The following HSPA12A variants were observed in gnomAD, a reference collection of about 807,000 sequenced individuals.
The protein encoded by HSPA12A is heat shock protein family A (Hsp70) member 12A.
Under a neutral mutation model 69.2 loss-of-function variants are expected in HSPA12A, and 28 were observed. The observed-to-expected ratio is 0.40, with a 90% CI of 0.30 to 0.55. HSPA12A has a LOEUF of 0.55. HSPA12A is among the 20% of genes least tolerant of loss of function. HSPA12A has a pLI of 0.38. For missense variants in HSPA12A, 686 were observed against 900.7 expected (o/e 0.76, Z 3.05); for synonymous variants, 345 against 370.5 (o/e 0.93, Z 0.79).
At chr10:116,698,788 A>C (rs1554881246) in intron 4 of HSPA12A, 49 bp from the exon 5 acceptor site, 11 of 1,431,526 alleles carry the variant, frequency 7.7e-6, no homozygotes, top group Non-Finnish European at 1.1e-5. Flanking sequence ...CAGGAGAAAC[A>C]TGTCTCCTGG....
intron 1 of HSPA12A, among the ~76,000 whole-genome samples, chr10:116,729,819 T>C (rs78448038): frequency 0.021 from 3,182 of 152,344 alleles, 104 homozygotes; most frequent in African/African-American, 0.072. Flanking sequence ...TCTTACCTTA[T>C]GTAACTTAGA....
chr10:116,701,553 A>G (rs1037003953), intron 3 of HSPA12A, among the ~76,000 whole-genome samples: 2 of 152,244 alleles, frequency 1.3e-5, no homozygotes, highest in Non-Finnish European at 2.9e-5. Context: ...ATGCATAATT[A>G]CCTGCCTTAT....
In HSPA12A at chr10:116,701,033, G is replaced by A. The variant is rs184358049; in HGVS notation, c.351C>T (p.Ala117=). The change falls in exon 4 of 12, where the codon GCC becomes GCT. Residue 117 remains alanine, a synonymous_variant. Transcript: ENST00000369209. ...PERKFHSFGY[A]ARDFYHDLDP... The stretch of plus-strand genomic sequence containing the variant: ...CCAGGTCATGGTAAAAGTCCCTGGC[G>A]GCATACCCGAAGCTGTGGAACTTCC... The A allele has an allele frequency of 4.0e-5, 65 of 1,614,080 alleles. No homozygotes were observed. Among genetic ancestry groups the A allele is most frequent in the African/African-American group, 4.0e-4 (30 of 75,028 alleles).
At chr10:116,683,220 A>G (rs1849472555) in intron 7 of HSPA12A, among the ~76,000 whole-genome samples, 1 of 152,126 alleles carries the variant, frequency 6.6e-6, no homozygotes, top group South Asian at 2.1e-4. Context: ...GACCAAGGCT[A>G]TGACCTACTT....
chr10:116,811,427 G>A (rs1051983574), intron 2 of HSPA12A, among the ~76,000 whole-genome samples: 3 of 151,970 alleles, frequency 2.0e-5, no homozygotes, highest in East Asian at 1.9e-4. Flanking sequence ...CCCTCCTTGC[G>A]CCAATCACCT....
At chr10:116,721,836 C>T (rs1240200395) in intron 1 of HSPA12A, among the ~76,000 whole-genome samples, 2 of 152,232 alleles carry the variant, frequency 1.3e-5, no homozygotes, top group Non-Finnish European at 2.9e-5. Context: ...TATTCACACT[C>T]ATCATCATGG....
In HSPA12A at chr10:116,736,812, T is replaced by A. The variant is rs371956028; in HGVS notation, c.40+5618A>T. Among the ~76,000 whole-genome samples the A allele has an allele frequency of 1.6e-4, 25 of 152,282 alleles. No homozygotes were observed. In the East Asian group the frequency reaches 3.5e-3, roughly 21 times the overall value. On this transcript the variant is annotated intron_variant, in intron 1 of 11. Coordinates refer to ENST00000369209, the MANE Select transcript of HSPA12A (RefSeq NM_025015.3). ...CCCAGGGAGACCCATTTTGGACTTA[T>A]TCCTGACTTCCAGAAATGTAAGATA...
chr10:116,754,748 T>C (rs1157945064), intron 2 of HSPA12A, among the ~76,000 whole-genome samples: 1 of 152,226 alleles, frequency 6.6e-6, no homozygotes, highest in African/African-American at 2.4e-5. Context: ...AAACACTTAT[T>C]AAACACAGGT....
At chr10:116,780,640 C>A (rs1308974223) in intron 2 of HSPA12A, among the ~76,000 whole-genome samples, 2 of 151,904 alleles carry the variant, frequency 1.3e-5, no homozygotes, top group African/African-American at 4.8e-5. Context: ...GGTAGGATTA[C>A]CAGGGAACCT....
intron 2 of HSPA12A, among the ~76,000 whole-genome samples, chr10:116,780,161 T>C (rs1554891662): frequency 1.3e-5 from 2 of 152,132 alleles, no homozygotes; most frequent in African/African-American, 4.8e-5. Context: ...TCGCAGACCA[T>C]CTCCTCCATC....
intron 1 of HSPA12A, among the ~76,000 whole-genome samples, chr10:116,712,544 T>C (rs1589652280): frequency 6.6e-6 from 1 of 152,142 alleles, no homozygotes; most frequent in South Asian, 2.1e-4. Context: ...GCAACACATA[T>C]AAAATTCAGA....
At chr10:116,770,297 A>G (rs570216734) in intron 2 of HSPA12A, among the ~76,000 whole-genome samples, 52 of 152,276 alleles carry the variant, frequency 3.4e-4, no homozygotes, top group Non-Finnish European at 5.3e-4. Context: ...TGAAGTTCAA[A>G]GGAAGCCCTC....
intron 1 of HSPA12A, among the ~76,000 whole-genome samples, chr10:116,713,483 T>C (rs1458663852): frequency 6.6e-6 from 1 of 152,118 alleles, no homozygotes. Flanking sequence ...CCAGGCCAAG[T>C]TGGGGGCAGC....
intron 1 of HSPA12A, among the ~76,000 whole-genome samples, chr10:116,735,535 G>A (rs1406932924): frequency 1.3e-5 from 2 of 152,112 alleles, no homozygotes; most frequent in Non-Finnish European, 2.9e-5. Flanking sequence ...TGTGGAGAAC[G>A]AAGCCCAGCC....
intron 2 of HSPA12A, among the ~76,000 whole-genome samples, chr10:116,764,602 G>A (rs1357253797): frequency 6.6e-6 from 1 of 152,166 alleles, no homozygotes; most frequent in Non-Finnish European, 1.5e-5. Context: ...TAACAAAATG[G>A]AGGGGGCAGA....
intron 2 of HSPA12A, among the ~76,000 whole-genome samples, chr10:116,790,707 T>C (rs982921301): frequency 2.0e-5 from 3 of 152,114 alleles, no homozygotes; most frequent in Non-Finnish European, 4.4e-5. Flanking sequence ...TATTTTTTTA[T>C]TGAGACAGAG....
At chr10:116,738,331 T>G in intron 1 of HSPA12A, among the ~76,000 whole-genome samples, 1 of 152,066 alleles carries the variant, frequency 6.6e-6, no homozygotes, top group East Asian at 1.9e-4. Flanking sequence ...TGACTGACAC[T>G]CAACAAAAAG....
At position 116,674,856 on chromosome 10, in the gene HSPA12A, G is replaced by T; in HGVS notation, c.1953C>A (p.Thr651=). 6.2e-7 allele frequency: 1 copy of T among 1,613,850 alleles called. No homozygotes were observed. Among genetic ancestry groups the T allele is most frequent in the Non-Finnish European group, 8.5e-7 (1 of 1,180,036 alleles). The change falls in exon 12 of 12, where the codon ACC becomes ACA. Residue 651 remains threonine, a synonymous_variant. Transcript: ENST00000369209. ...TATCAATGGCTGTGGCTTTGATCTC[G>T]GTGTCCCCGAACTGCATAAGGGTCT... is the stretch of plus-strand genomic sequence containing the variant. ...EIQTLMQFGD[T]EIKATAIDIA...
intron 2 of HSPA12A, among the ~76,000 whole-genome samples, chr10:116,791,373 T>G (rs1006886988): frequency 8.5e-5 from 13 of 152,206 alleles, no homozygotes; most frequent in African/African-American, 2.7e-4. Flanking sequence ...AAATAGGTTA[T>G]TATTCAGGAA....
Sources: gnomAD v4.1 joint callset for allele counts (sites outside exome capture counted in the v4.1 genomes callset) on GRCh38, gnomAD v4.1.1 for gene constraint, MANE v1.5 for transcripts, NCBI Gene and HGNC (gene_info 2026-07-23, HGNC 2026-07-21) for gene names.